UGP2: variants seen among roughly 807,000 people sequenced by gnomAD.
UGP2 encodes UTP--glucose-1-phosphate uridylyltransferase.
In UGP2, 40 loss-of-function variants were observed where a neutral mutation model predicts 49.0. The ratio of observed to expected loss-of-function variants is 0.82; its 90% confidence interval spans 0.63 to 1.06. The LOEUF (loss-of-function observed/expected upper bound fraction) is 1.06. UGP2 is among the 50% of genes least tolerant of loss of function. The pLI, the probability that UGP2 is intolerant of heterozygous loss-of-function variation, is 0.00. For missense variants in UGP2, 460 were observed against 603.5 expected, an observed-to-expected ratio of 0.76 and a Z score of 2.49; for synonymous variants, 225 against 213.0, an observed-to-expected ratio of 1.06 and a Z score of -0.49.
chr2:63,856,510 GATGATAATCATCACCTCAA>G, intron 2 of UGP2, 77 bp downstream of exon 2: 1 of 1,478,108 alleles, frequency 6.8e-7, no homozygotes, highest in South Asian at 1.3e-5. Context: ...TGCCGGTGAT[GATGATAATCATCACCTCAA>G]ATCAGCACAA....
At chr2:63,884,122 T>A in intron 5 of UGP2, 29 bp downstream of exon 5, 1 of 1,609,016 alleles carries the variant, frequency 6.2e-7, no homozygotes, top group Non-Finnish European at 8.5e-7. Context: ...TAACTCTGGG[T>A]ATGTTACTCC....
In UGP2 at chr2:63,891,260, G is replaced by C; in HGVS notation, c.*33G>C. The C allele has an allele frequency of 6.4e-7, 1 of 1,550,760 alleles. No individual in the cohort carries two copies. The highest frequency in any genetic ancestry group is 8.9e-7 in the Non-Finnish European group (1 of 1,124,674). ...AATACTGTGGACACTTAAATAATGG[G>C]CTAGTTTCTTACAATGAAATGTTCT... On this transcript the variant is annotated 3_prime_UTR_variant, in exon 10 of 10. Coordinates refer to ENST00000337130, the MANE Select transcript of UGP2 (RefSeq NM_006759.4).
Position 63,842,097 on chromosome 2 carries a change from A to T in UGP2, c.-89A>T. On this transcript the variant is annotated 5_prime_UTR_variant, in exon 1 of 10. Transcript: ENST00000337130. Reference sequence around the variant, plus strand: ...GAGGAGAAAGAATACATCGGTTGTTAAAGCAGGAGAGGAAGAGAGACCTGC... The same window carrying T: ...GAGGAGAAAGAATACATCGGTTGTTTAAGCAGGAGAGGAAGAGAGACCTGC... 1 of 1,475,584 alleles carries T rather than the reference A, an allele frequency of 6.8e-7. No individual in the cohort carries two copies. Among genetic ancestry groups the T allele is most frequent in the South Asian group, 1.3e-5 (1 of 75,356 alleles). 91.4% of individuals were successfully genotyped at this position (1,475,584 alleles called of 1,614,324 possible).
intron 8 of UGP2, chr2:63,889,478 A>T (rs1361807125): frequency 2.0e-5 from 3 of 152,340 alleles, no homozygotes; most frequent in African/African-American, 7.2e-5. Context: ...AGTACTAGGA[A>T]GGCAGAGTAA....
rs1368314906 is a variant in UGP2 at position 63,891,306 on chromosome 2, G to A, written c.*79G>A. The A allele has an allele frequency of 2.4e-6, 3 of 1,240,980 alleles. No individual in the cohort carries two copies. The highest frequency in any genetic ancestry group is 2.4e-5 in the East Asian group (1 of 42,014). 76.9% of individuals were successfully genotyped at this position (1,240,980 alleles called of 1,614,324 possible). A position where few individuals can be genotyped will look rare whatever the true frequency, so the allele number is the denominator to read the frequency against. ...GTTCTCTAGGATTCTAAAATAGGCA[G>A]GTACTTTACTATGTTACTGTACCCT... is the stretch of plus-strand genomic sequence containing the variant. On this transcript the variant is annotated 3_prime_UTR_variant, in exon 10 of 10. Coordinates refer to ENST00000337130, the MANE Select transcript of UGP2 (RefSeq NM_006759.4).
chr2:63,849,180 T>C (rs1575801889), intron 1 of UGP2, among the ~76,000 whole-genome samples: 2 of 152,268 alleles, frequency 1.3e-5, no homozygotes, highest in African/African-American at 4.8e-5. Flanking sequence ...ATTGTCTTCA[T>C]GGACCAGAAA....
intron 3 of UGP2, among the ~76,000 whole-genome samples, chr2:63,878,453 C>G (rs1001565704): frequency 1.3e-5 from 2 of 152,122 alleles, no homozygotes; most frequent in African/African-American, 4.8e-5. Flanking sequence ...TGCTTTCACA[C>G]TTAAAAAAGG....
intron 1 of UGP2, 102 bp downstream of exon 1, chr2:63,842,306 A>C: frequency 6.2e-7 from 1 of 1,608,268 alleles, no homozygotes; most frequent in South Asian, 1.1e-5. Flanking sequence ...TGTTCATTTG[A>C]GATAACATTT....
chr2:63,855,369 CT>C, intron 1 of UGP2: 2 of 455,898 alleles, frequency 4.4e-6, no homozygotes, highest in Non-Finnish European at 8.6e-6. Context: ...GAATCAAATA[CT>C]AAGGATAGAA....
chr2:63,887,654 T>C lies in UGP2; in HGVS notation c.1314+10T>C. On this transcript the variant is annotated intron_variant, in intron 8 of 9. Transcript: ENST00000337130. ...CAGTTCTTTTACGAAGGTACGTAACTATAAAGATATGTGAGTTCATATTTC... is the reference window on the plus strand; with the variant it reads ...CAGTTCTTTTACGAAGGTACGTAACCATAAAGATATGTGAGTTCATATTTC... The C allele has an allele frequency of 6.2e-7, 1 of 1,613,172 alleles. No individual in the cohort carries two copies. Among genetic ancestry groups the C allele is most frequent in the Non-Finnish European group, 8.5e-7 (1 of 1,179,526 alleles).
chr2:63,864,907 A>C (rs1204944328), intron 3 of UGP2, among the ~76,000 whole-genome samples: 1 of 152,260 alleles, frequency 6.6e-6, no homozygotes, highest in Admixed American at 6.5e-5. Flanking sequence ...CAAGATAGTC[A>C]AGGGCCTAAT....
chr2:63,878,215 T>C (rs1308243863), intron 3 of UGP2, among the ~76,000 whole-genome samples: 2 of 152,130 alleles, frequency 1.3e-5, no homozygotes, highest in Non-Finnish European at 2.9e-5. Context: ...GAACATCTCA[T>C]GTAAGCAGAT....
intron 3 of UGP2, among the ~76,000 whole-genome samples, chr2:63,866,147 A>C (rs1040862125): frequency 2.0e-5 from 3 of 152,238 alleles, no homozygotes; most frequent in Non-Finnish European, 4.4e-5. Flanking sequence ...ATTGTTTCAC[A>C]AATGTCTAAG....
upstream of UGP2, chr2:63,841,877 G>T (rs1294863267): frequency 1.6e-5 from 5 of 316,166 alleles, no homozygotes; most frequent in Non-Finnish European, 2.9e-5. Flanking sequence ...ATTTAAGTTC[G>T]TGTGGTTTTA....
At chr2:63,855,598 G>A in intron 1 of UGP2, 1 of 379,120 alleles carries the variant, frequency 2.6e-6, no homozygotes, top group South Asian at 1.9e-5. Flanking sequence ...CTGGAGTGCG[G>A]TGGCGCGATC....
intron 4 of UGP2, 45 bp downstream of exon 4, chr2:63,882,696 T>C (rs1256941386): frequency 6.9e-7 from 1 of 1,447,302 alleles, no homozygotes; most frequent in Non-Finnish European, 9.2e-7. Flanking sequence ...AAATAGTTTT[T>C]AGTTTTTAAG....
At chr2:63,885,520 T>C (rs1671615225) in intron 5 of UGP2, 69 bp from the exon 6 acceptor site, 1 of 1,206,868 alleles carries the variant, frequency 8.3e-7, no homozygotes, top group Admixed American at 2.7e-5. Context: ...CTTTAATGTA[T>C]TATTTTATTT....
chr2:63,844,357 T>C (rs1671783300), intron 1 of UGP2, among the ~76,000 whole-genome samples: 3 of 152,240 alleles, frequency 2.0e-5, no homozygotes, highest in South Asian at 4.1e-4. Context: ...GCAGAAAATA[T>C]TGATATTTCC....
chr2:63,872,142 T>C (rs566407476), intron 3 of UGP2, among the ~76,000 whole-genome samples: 118 of 152,336 alleles, frequency 7.7e-4, no homozygotes, highest in Non-Finnish European at 2.6e-4. Flanking sequence ...TACACATGAC[T>C]GGAGAGAAAC....
Sources: gnomAD v4.1 joint callset for allele counts (sites outside exome capture counted in the v4.1 genomes callset) on GRCh38, gnomAD v4.1.1 for gene constraint, MANE v1.5 for transcripts, NCBI Gene and HGNC (gene_info 2026-07-23, HGNC 2026-07-21) for gene names.